Variants in OIT3 observed in about 807,000 individuals in gnomAD.
OIT3 encodes the protein oncoprotein induced transcript 3.
Under a neutral mutation model 52.2 loss-of-function variants are expected in OIT3, and 41 were observed. That is an observed-to-expected ratio of 0.79 (90% confidence interval 0.61 to 1.02). The LOEUF (loss-of-function observed/expected upper bound fraction) is 1.02, where lower values mean the gene tolerates loss of function less well. Ranked by LOEUF, OIT3 falls within the 50% of genes least tolerant of loss-of-function variation. The pLI, the probability that OIT3 is intolerant of heterozygous loss-of-function variation, is 0.00. For synonymous variants in OIT3, 244 were observed against 276.9 expected, an observed-to-expected ratio of 0.88 and a Z score of 1.18; for missense variants, 634 against 715.5, an observed-to-expected ratio of 0.89 and a Z score of 1.30.
chr10:72,929,209 C>CA (rs1483658851), intron 7 of OIT3, among the ~76,000 whole-genome samples: 19 of 148,888 alleles, frequency 1.3e-4, no homozygotes, highest in Admixed American at 2.0e-4. Flanking sequence ...CAAAACAAAA[C>CA]AAAAAAAAAG....
intron 1 of OIT3, among the ~76,000 whole-genome samples, chr10:72,896,467 C>A (rs1326126382): frequency 1.3e-5 from 2 of 152,168 alleles, no homozygotes; most frequent in African/African-American, 4.8e-5. Context: ...ACATAAGGGG[C>A]ATTTTAAAGA....
chr10:72,926,246 C>T (rs1025190214), intron 7 of OIT3, among the ~76,000 whole-genome samples: 1 of 152,224 alleles, frequency 6.6e-6, no homozygotes, highest in African/African-American at 2.4e-5. Context: ...TTTTACTCCT[C>T]TTGTTTTTCA....
chr10:72,914,276 A>G (rs997914381), intron 6 of OIT3, among the ~76,000 whole-genome samples: 3 of 152,178 alleles, frequency 2.0e-5, no homozygotes, highest in Non-Finnish European at 2.9e-5. Context: ...CTTGTGTGCT[A>G]GGGTGAGCCA....
intron 1 of OIT3, 24 bp downstream of exon 1, chr10:72,893,883 G>A (rs750458190): frequency 2.5e-6 from 4 of 1,583,364 alleles, no homozygotes; most frequent in East Asian, 4.5e-5. Flanking sequence ...CAAGAACTTG[G>A]CACAATGCAC....
At chr10:72,895,649 G>A (rs1845869442) in intron 1 of OIT3, among the ~76,000 whole-genome samples, 1 of 152,210 alleles carries the variant, frequency 6.6e-6, no homozygotes, top group African/African-American at 2.4e-5. Context: ...AGGGGCGGCT[G>A]TCTGCCGGAT....
chr10:72,918,575 G>C (rs1424451549), intron 6 of OIT3: 7 of 893,154 alleles, frequency 7.8e-6, no homozygotes, highest in African/African-American at 3.3e-5. Flanking sequence ...AAGGCGGATG[G>C]AGATAAACCA....
chr10:72,918,061 C>T, intron 6 of OIT3: 1 of 951,524 alleles, frequency 1.1e-6, no homozygotes, highest in South Asian at 1.3e-5. Flanking sequence ...TCCTCAGCAG[C>T]AAGTTTTACT....
At chr10:72,925,926 A>G (rs1365723947) in intron 7 of OIT3, among the ~76,000 whole-genome samples, 1 of 152,200 alleles carries the variant, frequency 6.6e-6, no homozygotes, top group East Asian at 1.9e-4. Flanking sequence ...GTTTTATACA[A>G]AAGAGAGTTC....
Position 72,913,363 on chromosome 10 carries a change from TG to T in OIT3, c.848del (p.Gly283ValfsTer7). On this transcript the variant is annotated frameshift_variant, in exon 6 of 9. Transcript: ENST00000334011. LOFTEE classifies it high-confidence loss of function. ...AAGTGAACATCCCCAGGGAGCTGGT[TG>T]GTGGCCTGGAGCTCTTCCTGACCAA... ...IEVNIPRELV[G>X]GLELFLTNTS... 6.2e-7 allele frequency: 1 copy of T among 1,613,788 alleles called. No individual in the cohort carries two copies. The highest frequency in any genetic ancestry group is 8.5e-7 in the Non-Finnish European group (1 of 1,179,724).
At chr10:72,903,985 T>G (rs1284992193) in intron 3 of OIT3, among the ~76,000 whole-genome samples, 1 of 151,916 alleles carries the variant, frequency 6.6e-6, no homozygotes, top group African/African-American at 2.4e-5. Flanking sequence ...AAGACAGAAA[T>G]GAAATCCACA....
intron 4 of OIT3, among the ~76,000 whole-genome samples, chr10:72,911,376 T>C (rs956227470): frequency 2.0e-5 from 3 of 152,156 alleles, no homozygotes; most frequent in Admixed American, 2.0e-4. Flanking sequence ...ATTGGGTAGA[T>C]TAAATGTTAC....
intron 1 of OIT3, among the ~76,000 whole-genome samples, chr10:72,897,180 C>A (rs748324160): frequency 6.6e-6 from 1 of 152,020 alleles, no homozygotes; most frequent in Non-Finnish European, 1.5e-5. Flanking sequence ...CGTGCCACCA[C>A]GCCCAGCTGA....
intron 3 of OIT3, among the ~76,000 whole-genome samples, chr10:72,906,063 T>C (rs147582128): frequency 6.6e-6 from 1 of 152,192 alleles, no homozygotes; most frequent in Non-Finnish European, 1.5e-5. Context: ...TTTCATCAGA[T>C]TCTTAAAAAG....
chr10:72,924,221 T>C lies in OIT3; in HGVS notation c.952-8T>C. 6.3e-7 allele frequency: 1 copy of C among 1,579,872 alleles called. No homozygotes were observed. The highest frequency in any genetic ancestry group is 8.6e-7 in the Non-Finnish European group (1 of 1,159,568). ...TCTCTTTCCTCTCCTCACCCTGGCC[T>C]GGCTCAGGTGGTGAATGACAAGATT... On this transcript the variant is annotated splice_polypyrimidine_tract_variant and splice_region_variant and intron_variant, in intron 6 of 8. Transcript: ENST00000334011.
chr10:72,906,639 C>G lies in OIT3; in HGVS notation c.588C>G (p.Ile196Met), dbSNP rs1259422692. 2 of 1,613,456 alleles carry G rather than the reference C, an allele frequency of 1.2e-6. No homozygotes were observed. Among genetic ancestry groups the G allele is most frequent in the East Asian group, 2.2e-5 (1 of 44,816 alleles). The change falls in exon 4 of 9, where the codon ATC becomes ATG. Residue 196 changes from isoleucine (I) to methionine (M), a missense_variant. Transcript: ENST00000334011. Reference sequence around the variant, plus strand: ...AAAACAACGGTGGCTGCAGTGAGATCTGTGTGAACCTCAAAAACTCCTACC... The same window carrying G: ...AAAACAACGGTGGCTGCAGTGAGATGTGTGTGAACCTCAAAAACTCCTACC... ...CEQNNGGCSE[I>M]CVNLKNSYRC...
At chr10:72,909,820 G>C (rs1231070042) in intron 4 of OIT3, among the ~76,000 whole-genome samples, 1 of 151,898 alleles carries the variant, frequency 6.6e-6, no homozygotes, top group African/African-American at 2.4e-5. Flanking sequence ...GGATGGTCTC[G>C]ATCTCCTGAC....
At chr10:72,926,243 C>T (rs754114715) in intron 7 of OIT3, among the ~76,000 whole-genome samples, 12 of 152,306 alleles carry the variant, frequency 7.9e-5, no homozygotes, top group African/African-American at 2.9e-4. Flanking sequence ...TGCTTTTACT[C>T]CTCTTGTTTT....
In OIT3 at chr10:72,932,581, C is replaced by A. The variant is rs899477644; in HGVS notation, c.*57C>A. 6.8e-7 allele frequency: 1 copy of A among 1,460,752 alleles called. No individual in the cohort carries two copies. The allele number at this position is 1,460,752 out of a possible 1,614,324, so 90.5% of individuals were successfully genotyped here. A position where few individuals can be genotyped will look rare whatever the true frequency, so the allele number is the denominator to read the frequency against. ...ACGGCTCTGCTCTTTGGAGCTTCTC[C>A]CCCCACCGCCCTCTAAGAACATCTG... On this transcript the variant is annotated 3_prime_UTR_variant, in exon 9 of 9. Coordinates refer to ENST00000334011, the MANE Select transcript of OIT3 (RefSeq NM_152635.3).
chr10:72,905,665 C>T (rs192535634), intron 3 of OIT3, among the ~76,000 whole-genome samples: 15 of 152,254 alleles, frequency 9.9e-5, no homozygotes, highest in African/African-American at 2.2e-4. Context: ...AGTGTAAAAC[C>T]GTACTTCAGC....
Sources: gnomAD v4.1 joint callset for allele counts (sites outside exome capture counted in the v4.1 genomes callset) on GRCh38, gnomAD v4.1.1 for gene constraint, MANE v1.5 for transcripts, NCBI Gene and HGNC (gene_info 2026-07-23, HGNC 2026-07-21) for gene names.